Variants in SSBP3 observed in about 807,000 individuals in gnomAD.
The protein encoded by SSBP3 is single stranded DNA binding protein 3.
A neutral mutation model predicts 69.6 loss-of-function variants in SSBP3; 5 were observed. That is an observed-to-expected ratio of 0.07 (90% CI 0.04 to 0.15). SSBP3 has a LOEUF of 0.15. SSBP3 is among the 10% of genes least tolerant of loss of function. The pLI, the probability that SSBP3 is intolerant of heterozygous loss-of-function variation, is 1.00. For missense variants in SSBP3, 312 were observed against 534.0 expected (o/e 0.58, Z 4.10); for synonymous variants, 196 against 193.4 (o/e 1.01, Z -0.11).
chr1:54,382,652 T>C (rs796239416), intron 4 of SSBP3, among the ~76,000 whole-genome samples: 22 of 152,104 alleles, frequency 1.4e-4, no homozygotes, highest in African/African-American at 5.1e-4. Context: ...GCAGTAAGCA[T>C]TTCAGGCCCT....
intron 4 of SSBP3, among the ~76,000 whole-genome samples, chr1:54,293,159 T>C (rs1645638680): frequency 6.6e-6 from 1 of 152,066 alleles, no homozygotes; most frequent in South Asian, 2.1e-4. Flanking sequence ...CGGAGCTCAC[T>C]ACAGATTATT....
At chr1:54,235,448 AT>A (rs71580002) in intron 14 of SSBP3, among the ~76,000 whole-genome samples, 259 of 69,900 alleles carry the variant, frequency 3.7e-3, no homozygotes, top group African/African-American at 0.014. Flanking sequence ...TGCCCGGCTG[AT>A]TTTTTTTTTT....
At position 54,320,987 on chromosome 1, in the gene SSBP3, G is replaced by A. The variant is rs184290509; in HGVS notation, c.277-39460C>T. Among the ~76,000 whole-genome samples, 49 of 152,346 alleles carry A rather than the reference G, an allele frequency of 3.2e-4. No homozygotes were observed. The East Asian group carries it at 8.9e-3, about 28-fold the overall frequency. On this transcript the variant is annotated intron_variant, in intron 4 of 17. Coordinates refer to ENST00000610401, the Ensembl canonical transcript of SSBP3. ...ACCTGGAGCTCAGTTGCAAGGGGAA[G>A]CTTGCCCCCTAGCAAGCAAAAGCAG...
intron 4 of SSBP3, among the ~76,000 whole-genome samples, chr1:54,331,805 C>A (rs1164919581): frequency 6.6e-6 from 1 of 152,236 alleles, no homozygotes; most frequent in Non-Finnish European, 1.5e-5. Context: ...CTTGCCCCAA[C>A]TGCCCGCCAG....
intron 4 of SSBP3, among the ~76,000 whole-genome samples, chr1:54,394,186 A>G (rs146544835): frequency 1.6e-4 from 25 of 152,328 alleles, no homozygotes; most frequent in African/African-American, 6.0e-4. Flanking sequence ...TGGACTATTG[A>G]TTAGGCTTGC....
chr1:54,316,294 G>C (rs935887972), intron 4 of SSBP3, among the ~76,000 whole-genome samples: 3 of 151,620 alleles, frequency 2.0e-5, no homozygotes, highest in Admixed American at 6.6e-5. Flanking sequence ...AGTGAGCCAA[G>C]ATCGCGCCAC....
At chr1:54,397,171 T>G (rs1028447807) in intron 4 of SSBP3, among the ~76,000 whole-genome samples, 6 of 152,234 alleles carry the variant, frequency 3.9e-5, no homozygotes, top group Admixed American at 1.3e-4. Context: ...TCTGGGCAGA[T>G]AGCTAGCCTG....
At chr1:54,368,548 G>C (rs1647066997) in intron 4 of SSBP3, among the ~76,000 whole-genome samples, 1 of 151,866 alleles carries the variant, frequency 6.6e-6, no homozygotes. Flanking sequence ...ACCATTTTAG[G>C]ATTATTTAAC....
intron 4 of SSBP3, among the ~76,000 whole-genome samples, chr1:54,359,979 C>T (rs887115238): frequency 1.3e-5 from 2 of 152,112 alleles, no homozygotes; most frequent in African/African-American, 4.8e-5. Flanking sequence ...GTGACTCAAC[C>T]GCCAACACCT....
chr1:54,253,063 T>C (rs1211342370), intron 7 of SSBP3, among the ~76,000 whole-genome samples: 2 of 151,938 alleles, frequency 1.3e-5, no homozygotes, highest in Non-Finnish European at 2.9e-5. Context: ...CTGATTTCCC[T>C]AGCTTCAGAA....
intron 4 of SSBP3, among the ~76,000 whole-genome samples, chr1:54,398,370 C>T (rs1394840032): frequency 1.3e-5 from 2 of 152,232 alleles, no homozygotes; most frequent in Non-Finnish European, 2.9e-5. Context: ...TCTTGGCCTT[C>T]CAAATTCCAC....
intron 5 of SSBP3, among the ~76,000 whole-genome samples, chr1:54,262,519 G>A (rs892925582): frequency 3.3e-5 from 5 of 152,212 alleles, no homozygotes; most frequent in Non-Finnish European, 7.3e-5. Flanking sequence ...CCCCATGCTG[G>A]GGTCTGGAGG....
chr1:54,370,443 A>T lies in SSBP3; in HGVS notation c.276+31418T>A, dbSNP rs189063784. Reference sequence around the variant, plus strand: ...AAAAGAGTTACCGTGATCAACTTGCAATGTCTGACACGAGCAAGGGAGGAA... The same window carrying T: ...AAAAGAGTTACCGTGATCAACTTGCTATGTCTGACACGAGCAAGGGAGGAA... On this transcript the variant is annotated intron_variant, in intron 4 of 17. Transcript: ENST00000610401. Among the ~76,000 whole-genome samples, 330 of 152,332 alleles carry T rather than the reference A, an allele frequency of 2.2e-3. 4 individuals are homozygous for T. The highest frequency in any genetic ancestry group is 0.02 in the Admixed American group (304 of 15,302).
chr1:54,246,319 T>G (rs1223632023), intron 9 of SSBP3, among the ~76,000 whole-genome samples: 1 of 152,196 alleles, frequency 6.6e-6, no homozygotes, highest in African/African-American at 2.4e-5. Flanking sequence ...TCTCCCCACC[T>G]GCTGCTCCAG....
intron 9 of SSBP3, among the ~76,000 whole-genome samples, chr1:54,246,961 A>G (rs1257552045): frequency 6.6e-6 from 1 of 152,216 alleles, no homozygotes; most frequent in African/African-American, 2.4e-5. Flanking sequence ...GAAGCTGTAC[A>G]AGGGTCGGTT....
At chr1:54,371,264 C>T (rs1647128580) in intron 4 of SSBP3, among the ~76,000 whole-genome samples, 1 of 152,216 alleles carries the variant, frequency 6.6e-6, no homozygotes, top group South Asian at 2.1e-4. Context: ...AGGTTTAGAG[C>T]GCATTAACTC....
At chr1:54,233,800 C>T (rs1424929459) in intron 14 of SSBP3, among the ~76,000 whole-genome samples, 3 of 150,390 alleles carry the variant, frequency 2.0e-5, no homozygotes, top group East Asian at 2.0e-4. Flanking sequence ...CCGCCCTGTC[C>T]GGGAGGTGAG....
chr1:54,299,502 CTT>C (rs35333516), intron 4 of SSBP3, among the ~76,000 whole-genome samples: 277 of 145,766 alleles, frequency 1.9e-3, no homozygotes, highest in South Asian at 9.2e-3. Flanking sequence ...ATAGAGGTGG[CTT>C]TTTTTTTTTT....
At chr1:54,378,188 C>T (rs1220843632) in intron 4 of SSBP3, among the ~76,000 whole-genome samples, 1 of 152,180 alleles carries the variant, frequency 6.6e-6, no homozygotes, top group African/African-American at 2.4e-5. Context: ...TGAATCCAGC[C>T]CAACTTTCCC....
Sources: gnomAD v4.1 joint callset for allele counts (sites outside exome capture counted in the v4.1 genomes callset) on GRCh38, gnomAD v4.1.1 for gene constraint, MANE v1.5 for transcripts, NCBI Gene and HGNC (gene_info 2026-07-23, HGNC 2026-07-21) for gene names.